Variants in ANKRD40 observed in about 807,000 individuals in gnomAD.
The protein encoded by ANKRD40 is ankyrin repeat domain-containing protein 40.
Under a neutral mutation model 35.5 loss-of-function variants are expected in ANKRD40, and 24 were observed. The observed-to-expected ratio is 0.68, with a 90% CI of 0.49 to 0.95. The LOEUF (loss-of-function observed/expected upper bound fraction) is 0.95. Ranked by LOEUF, ANKRD40 falls within the 40% of genes least tolerant of loss-of-function variation. The pLI, the probability that ANKRD40 is intolerant of heterozygous loss-of-function variation, is 0.00. For missense variants in ANKRD40, 361 were observed against 436.0 expected, an observed-to-expected ratio of 0.83 and a Z score of 1.53; for synonymous variants, 147 against 173.5, an observed-to-expected ratio of 0.85 and a Z score of 1.20.
chr17:50,702,263 G>A (rs1047660421), intron 1 of ANKRD40, among the ~76,000 whole-genome samples: 8 of 152,160 alleles, frequency 5.3e-5, no homozygotes, highest in Non-Finnish European at 1.2e-4. Context: ...AAATTAGTGT[G>A]ATGGTGCATG....
At position 50,695,961 on chromosome 17, in the gene ANKRD40, C is replaced by T. The variant is rs1184392937; in HGVS notation, c.*36G>A. 1.2e-6 allele frequency: 2 copies of T among 1,607,948 alleles called. No homozygotes were observed. The highest frequency in any genetic ancestry group is 1.7e-6 in the Non-Finnish European group (2 of 1,176,246). On this transcript the variant is annotated 3_prime_UTR_variant, in exon 5 of 5. Transcript: ENST00000285243. ...GTCCTTGGCCCAGAGGTGATGCACA[C>T]TGTCATAATACTCAGTGATAAAAGT...
At position 50,699,601 on chromosome 17, in the gene ANKRD40, G is replaced by C. The variant is rs779665231; in HGVS notation, c.576C>G (p.Ala192=). Residue 192 remains alanine (A), a synonymous_variant, in exon 3 of 5, where the codon GCC becomes GCG. Coordinates refer to ENST00000285243, the MANE Select transcript of ANKRD40 (RefSeq NM_052855.4). ...LALVQNGDVS[A]PSAILRTPES... is the part of the protein sequence containing the mutation. ...CTGGTGTTCTGAGTATGGCAGAGGG[G>C]GCCGACACATCACCATTCTGAACTA... 1 of 1,614,154 alleles carries C rather than the reference G, an allele frequency of 6.2e-7. No homozygotes were observed.
chr17:50,695,980 TAA>T lies in ANKRD40; in HGVS notation c.*15_*16del. 6.2e-7 allele frequency: 1 copy of T among 1,613,664 alleles called. No individual in the cohort carries two copies. The highest frequency in any genetic ancestry group is 8.5e-7 in the Non-Finnish European group (1 of 1,179,692). On this transcript the variant is annotated 3_prime_UTR_variant, in exon 5 of 5. Coordinates refer to ENST00000285243, the MANE Select transcript of ANKRD40 (RefSeq NM_052855.4). ...TGCACACTGTCATAATACTCAGTGA[TAA>T]AAGTCCCTGCTGCATTAGTAAGTCA... is the stretch of plus-strand genomic sequence containing the variant.
chr17:50,696,411 C>G (rs552882350), intron 4 of ANKRD40, among the ~76,000 whole-genome samples: 1 of 152,240 alleles, frequency 6.6e-6, no homozygotes, highest in Non-Finnish European at 1.5e-5. Flanking sequence ...TTCCCAGGTG[C>G]CCTGAGAAGC....
rs73989821 is a variant in ANKRD40, at chr17:50,707,006, C to T, written c.134+515G>A. Among the ~76,000 whole-genome samples the T allele has an allele frequency of 0.01, 1,527 of 149,748 alleles. 20 individuals are homozygous for T. The highest frequency in any genetic ancestry group is 0.035 in the African/African-American group (1,446 of 40,822). On this transcript the variant is annotated intron_variant, in intron 1 of 4. Transcript: ENST00000285243. This position sits in a 1 kb window ranked among gnomAD's most constrained non-coding sequence, Gnocchi z 4.8. ...GCAACTACAGGCAGCAGCAGCAAATCGGTTGCAGTGAAACAACAGAGAAGC... is the reference window on the plus strand; with the variant it reads ...GCAACTACAGGCAGCAGCAGCAAATTGGTTGCAGTGAAACAACAGAGAAGC...
intron 4 of ANKRD40, 119 bp downstream of exon 4, chr17:50,696,821 T>A: frequency 2.2e-6 from 2 of 914,644 alleles, no homozygotes; most frequent in Non-Finnish European, 3.1e-6. Flanking sequence ...ATTTGGAAAA[T>A]CACTCTTTGC....
intron 1 of ANKRD40, among the ~76,000 whole-genome samples, chr17:50,706,852 C>G (rs1305345618): frequency 2.3e-5 from 3 of 129,136 alleles, no homozygotes; most frequent in Non-Finnish European, 4.7e-5. Context: ...TGCAGTGAGC[C>G]GAGACTATGC....
In ANKRD40 at chr17:50,705,759, C is replaced by T. The variant is rs986680036; in HGVS notation, c.134+1762G>A. ...CATTTCAACCTCCAACTCCCTGGTT[C>T]AAGTGATTCTCCTGCTGCAGCATCC... On this transcript the variant is annotated intron_variant, in intron 1 of 4. Coordinates refer to ENST00000285243, the MANE Select transcript of ANKRD40 (RefSeq NM_052855.4). Among the ~76,000 whole-genome samples the T allele has an allele frequency of 3.3e-5, 5 of 150,724 alleles. No homozygotes were observed. The East Asian group carries it at 5.9e-4, about 18-fold the overall frequency.
At position 50,699,638 on chromosome 17, in the gene ANKRD40, G is replaced by T. The variant is rs774347274; in HGVS notation, c.539C>A (p.Thr180Asn). The change falls in exon 3 of 5, where the codon ACC becomes AAC. Residue 180 changes from threonine to asparagine, a missense_variant. Transcript: ENST00000285243. Reference sequence around the variant, plus strand: ...ACCATTCTGAACTAGTGCCAAAGAGGTGTGGTCCCGGGGAAAGGTCCCTAA... The same window carrying T: ...ACCATTCTGAACTAGTGCCAAAGAGTTGTGGTCCCGGGGAAAGGTCCCTAA... ...PLLGTFPRDH[T>N]SLALVQNGDV... 1.2e-6 allele frequency: 2 copies of T among 1,614,190 alleles called. No individual in the cohort carries two copies. The highest frequency in any genetic ancestry group is 8.5e-7 in the Non-Finnish European group (1 of 1,180,046).
Position 50,694,480 on chromosome 17 carries a change from C to G in ANKRD40, c.*1517G>C, listed in dbSNP as rs1968174108. ...TGAGTTTCTTTGGAAACTATAGGCA[C>G]TATGGGGAAAAAGCTTCTTAAGACA... On this transcript the variant is annotated 3_prime_UTR_variant, in exon 5 of 5. Transcript: ENST00000285243. 6.6e-6 allele frequency: 1 copy of G among 152,188 alleles called. No homozygotes were observed. The highest frequency in any genetic ancestry group is 2.4e-5 in the African/African-American group (1 of 41,438). 9.4% of individuals were successfully genotyped at this position (152,188 alleles called of 1,614,324 possible).
rs535471720 is a variant in ANKRD40, at chr17:50,700,440, T to C, written c.283+128A>G. The C allele has an allele frequency of 6.7e-6, 7 of 1,046,874 alleles. No homozygotes were observed. The East Asian group carries it at 1.5e-4, about 23-fold the overall frequency. The allele number at this position is 1,046,874 out of a possible 1,614,324, so 64.8% of individuals were successfully genotyped here. ...CCTGGGCAACAAGAGCTAAACTCCG[T>C]CTCGGAAAAAAAAAAAAAAAGAAAG... On this transcript the variant is annotated intron_variant, in intron 2 of 4. Transcript: ENST00000285243.
intron 1 of ANKRD40, among the ~76,000 whole-genome samples, chr17:50,706,296 A>G (rs1160313154): frequency 6.6e-6 from 1 of 150,960 alleles, no homozygotes; most frequent in East Asian, 2.0e-4. Flanking sequence ...TAATTTTTGT[A>G]TTTTTAGTAG....
Position 50,699,329 on chromosome 17 carries a change from C to G in ANKRD40, c.778+70G>C. ...TAAGTTTGCAATTATACCCAGAATA[C>G]CTCATTAAATCCCACCCCTCTGGAC... On this transcript the variant is annotated intron_variant, in intron 3 of 4. Coordinates refer to ENST00000285243, the MANE Select transcript of ANKRD40 (RefSeq NM_052855.4). 3 of 1,547,200 alleles carry G rather than the reference C, an allele frequency of 1.9e-6. 1 individual carries two copies. In the South Asian group the frequency reaches 3.7e-5, roughly 19 times the overall value.
Position 50,699,719 on chromosome 17 carries a change from G to A in ANKRD40, c.458C>T (p.Ala153Val). 6.2e-7 allele frequency: 1 copy of A among 1,613,548 alleles called. No homozygotes were observed. Among genetic ancestry groups the A allele is most frequent in the Non-Finnish European group, 8.5e-7 (1 of 1,179,560 alleles). The change falls in exon 3 of 5, where the codon GCA becomes GTA. Residue 153 changes from alanine (A) to valine (V), a missense_variant. By Grantham distance (64) the Ala-to-Val change is moderately conservative (BLOSUM62 0). Coordinates refer to ENST00000285243, the MANE Select transcript of ANKRD40 (RefSeq NM_052855.4). ...MQNGGPSTPP[A>V]SPPADGSPPL... Reference sequence around the variant, plus strand: ...AGGTGAGCCATCTGCAGGGGGTGATGCAGGGGGTGTGGAGGGGCCCCCATT... The same window carrying A: ...AGGTGAGCCATCTGCAGGGGGTGATACAGGGGGTGTGGAGGGGCCCCCATT...
In ANKRD40 at chr17:50,700,547, T is replaced by C. The variant is rs753669686; in HGVS notation, c.283+21A>G. On this transcript the variant is annotated intron_variant, in intron 2 of 4. Transcript: ENST00000285243. ...TCAATGAGTCTGAGGAAATCAAAAG[T>C]TCCCCCAAACACAGACTCACCTCCC... The C allele has an allele frequency of 4.3e-6, 7 of 1,612,016 alleles. No individual in the cohort carries two copies. In the South Asian group the frequency reaches 6.6e-5, roughly 15 times the overall value.
chr17:50,699,805 C>A lies in ANKRD40; in HGVS notation c.372G>T (p.Leu124Phe). The A allele has an allele frequency of 2.5e-6, 4 of 1,577,554 alleles. No individual in the cohort carries two copies. The highest frequency in any genetic ancestry group is 3.4e-6 in the Non-Finnish European group (4 of 1,160,686). The change falls in exon 3 of 5, where the codon TTG becomes TTT. Residue 124 changes from leucine to phenylalanine, a missense_variant. Transcript: ENST00000285243. Reference protein sequence around the residue: ...ESELPFVPNYLANPAFPFIYT... With the variant: ...ESELPFVPNYFANPAFPFIYT... ...AGATAAAAGGGAAGGCTGGGTTGGCCAAATAGTTGGGAACAAAGGGCAGTT... is the reference window on the plus strand; with the variant it reads ...AGATAAAAGGGAAGGCTGGGTTGGCAAAATAGTTGGGAACAAAGGGCAGTT...
intron 2 of ANKRD40, 107 bp downstream of exon 2, chr17:50,700,455 AAAAAAG>A (rs1376942111): frequency 2.0e-4 from 229 of 1,157,470 alleles, no homozygotes; most frequent in Admixed American, 3.1e-4. Flanking sequence ...GAAAAAAAAA[AAAAAAG>A]AAAGAAATAG....
At chr17:50,699,146 G>A (rs923749446) in intron 3 of ANKRD40, among the ~76,000 whole-genome samples, 28 of 151,988 alleles carry the variant, frequency 1.8e-4, no homozygotes, top group Admixed American at 1.5e-3. Context: ...GTGACAGGGC[G>A]AAGCTACGTC....
chr17:50,697,166 A>G, intron 3 of ANKRD40, 45 bp from the exon 4 acceptor site: 1 of 1,529,040 alleles, frequency 6.5e-7, no homozygotes, highest in Non-Finnish European at 8.9e-7. Flanking sequence ...CTGGCACAGC[A>G]CAGCCCATGT....
Sources: gnomAD v4.1 joint callset for allele counts (sites outside exome capture counted in the v4.1 genomes callset) on GRCh38, gnomAD v4.1.1 for gene constraint, Gnocchi (gnomAD v3.1) non-coding constraint, MANE v1.5 for transcripts, NCBI Gene and HGNC (gene_info 2026-07-23, HGNC 2026-07-21) for gene names.